Variants in DLGAP2 observed in about 807,000 individuals in gnomAD.
DLGAP2 encodes the protein disks large-associated protein 2.
A neutral mutation model predicts 100.3 loss-of-function variants in DLGAP2; 26 were observed. That is an observed-to-expected ratio of 0.26 (90% CI 0.19 to 0.36). The LOEUF is 0.36. Among genes scored for constraint, DLGAP2 ranks in the 10% least tolerant of loss-of-function variants. DLGAP2 has a pLI of 1.00. For synonymous variants in DLGAP2, 886 were observed against 630.1 expected, an observed-to-expected ratio of 1.41 and a Z score of -6.08; for missense variants, 1,858 against 1,453.2, an observed-to-expected ratio of 1.28 and a Z score of -4.53.
At chr8:1,327,657 A>C (rs1801052605) in intron 3 of DLGAP2, among the ~76,000 whole-genome samples, 1 of 152,108 alleles carries the variant, frequency 6.6e-6, no homozygotes, top group Non-Finnish European at 1.5e-5. Flanking sequence ...ATCCTGACTA[A>C]CACCATGAAA....
At chr8:826,057 A>G (rs1207636000) in intron 1 of DLGAP2, among the ~76,000 whole-genome samples, 1 of 152,250 alleles carries the variant, frequency 6.6e-6, no homozygotes, top group Non-Finnish European at 1.5e-5. Context: ...GCTCCCACAA[A>G]TAATTGAGAA....
At chr8:1,509,800 G>A (rs1800094701) in intron 4 of DLGAP2, among the ~76,000 whole-genome samples, 1 of 152,202 alleles carries the variant, frequency 6.6e-6, no homozygotes, top group Admixed American at 6.5e-5. Context: ...CTCACAGCAA[G>A]TGTTCAATGT....
At chr8:1,017,635 G>A (rs75518551) in intron 2 of DLGAP2, among the ~76,000 whole-genome samples, 103 of 137,792 alleles carry the variant, frequency 7.5e-4, no homozygotes, top group African/African-American at 1.5e-3. Flanking sequence ...GTGTGTGACC[G>A]GGACAGATGA....
chr8:1,114,453 C>G (rs1805055091), intron 2 of DLGAP2, among the ~76,000 whole-genome samples: 1 of 152,190 alleles, frequency 6.6e-6, no homozygotes, highest in South Asian at 2.1e-4. Context: ...AGGAATTTAT[C>G]CATCTCTTCT....
chr8:1,368,141 G>A (rs573566778), intron 3 of DLGAP2, among the ~76,000 whole-genome samples: 1 of 152,142 alleles, frequency 6.6e-6, no homozygotes, highest in Non-Finnish European at 1.5e-5. Flanking sequence ...GTATGCATGT[G>A]TATGTATTTG....
At chr8:1,508,666 A>C (rs1369093573) in intron 4 of DLGAP2, among the ~76,000 whole-genome samples, 1 of 149,546 alleles carries the variant, frequency 6.7e-6, no homozygotes, top group East Asian at 2.1e-4. Flanking sequence ...AGCAGGCTCA[A>C]CGTGGCGGGG....
At chr8:1,656,606 A>T (rs915397066) in intron 8 of DLGAP2, among the ~76,000 whole-genome samples, 1 of 152,212 alleles carries the variant, frequency 6.6e-6, no homozygotes, top group African/African-American at 2.4e-5. Context: ...GAGGAAAGTC[A>T]GTTTTTACAC....
chr8:1,505,808 A>G (rs78564433), intron 4 of DLGAP2, among the ~76,000 whole-genome samples: 2,303 of 152,092 alleles, frequency 0.015, 30 homozygotes, highest in Middle Eastern at 0.027. Context: ...ACTTCTAAGA[A>G]TGGCATTTTT....
At chr8:1,218,256 A>C (rs1798250549) in intron 2 of DLGAP2, among the ~76,000 whole-genome samples, 1 of 152,144 alleles carries the variant, frequency 6.6e-6, no homozygotes, top group African/African-American at 2.4e-5. Flanking sequence ...TCTTGAGTTA[A>C]TTATTGTATA....
intron 6 of DLGAP2, among the ~76,000 whole-genome samples, chr8:1,617,563 G>T (rs1171003460): frequency 1.3e-5 from 2 of 152,020 alleles, no homozygotes; most frequent in African/African-American, 4.8e-5. Flanking sequence ...TGCCCACATT[G>T]TTTTTTGCTT....
intron 3 of DLGAP2, among the ~76,000 whole-genome samples, chr8:1,418,450 C>G (rs1796996929): frequency 6.6e-6 from 1 of 152,164 alleles, no homozygotes; most frequent in Admixed American, 6.5e-5. Flanking sequence ...AGTCGCTTAG[C>G]CTGAAATTAT....
At chr8:1,225,591 G>C (rs188230931) in intron 2 of DLGAP2, among the ~76,000 whole-genome samples, 2 of 152,298 alleles carry the variant, frequency 1.3e-5, no homozygotes, top group East Asian at 1.9e-4. Flanking sequence ...TTATACCTCA[G>C]CTTTAAAAAT....
intron 3 of DLGAP2, among the ~76,000 whole-genome samples, chr8:1,459,590 G>C (rs1194714818): frequency 6.6e-6 from 1 of 151,854 alleles, no homozygotes; most frequent in Non-Finnish European, 1.5e-5. Context: ...TTGATTAATT[G>C]CACATATGTA....
At chr8:1,322,475 G>T (rs757414857) in intron 3 of DLGAP2, among the ~76,000 whole-genome samples, 7 of 151,894 alleles carry the variant, frequency 4.6e-5, no homozygotes, top group Non-Finnish European at 1.0e-4. Context: ...CACCCGCCCA[G>T]CATGCTGCGT....
intron 2 of DLGAP2, among the ~76,000 whole-genome samples, chr8:1,232,013 C>CAAAAT (rs1304869612): frequency 1.1e-4 from 16 of 152,104 alleles, no homozygotes; most frequent in Admixed American, 4.6e-4. Flanking sequence ...TGCCAGTAGC[C>CAAAAT]AAAAGAAAAA....
chr8:1,639,514 C>A (rs1168066839), intron 8 of DLGAP2, among the ~76,000 whole-genome samples: 1 of 152,234 alleles, frequency 6.6e-6, no homozygotes, highest in Non-Finnish European at 1.5e-5. Flanking sequence ...AAGCCCTGCA[C>A]AAATTCAGCA....
chr8:1,310,948 G>C (rs187634977), intron 3 of DLGAP2, among the ~76,000 whole-genome samples: 338 of 152,024 alleles, frequency 2.2e-3, no homozygotes, highest in African/African-American at 7.8e-3. Context: ...GTAAAAAAGA[G>C]ATCATTAAAT....
At chr8:967,218 C>A (rs1563118913) in intron 2 of DLGAP2, among the ~76,000 whole-genome samples, 1 of 152,228 alleles carries the variant, frequency 6.6e-6, no homozygotes, top group Admixed American at 6.5e-5. Flanking sequence ...CACTTCCTTA[C>A]TGATGGACAG....
chr8:1,209,924 C>T (rs550533397), intron 2 of DLGAP2, among the ~76,000 whole-genome samples: 5 of 152,290 alleles, frequency 3.3e-5, no homozygotes, highest in African/African-American at 7.2e-5. Context: ...GTGTCATCAG[C>T]GGTGCTTGAC....
Sources: gnomAD v4.1 joint callset for allele counts (sites outside exome capture counted in the v4.1 genomes callset) on GRCh38, gnomAD v4.1.1 for gene constraint, MANE v1.5 for transcripts, NCBI Gene and HGNC (gene_info 2026-07-23, HGNC 2026-07-21) for gene names.